Variants in C4orf54 observed in about 807,000 individuals in gnomAD.
C4orf54 encodes uncharacterized protein C4orf54.
C4orf54 carries 67 observed loss-of-function variants against 80.1 expected under a neutral mutation model. The ratio of observed to expected loss-of-function variants is 0.84; its 90% CI spans 0.69 to 1.03. The LOEUF is 1.03. C4orf54 is among the 50% of genes least tolerant of loss of function. The pLI is 0.00. For missense variants in C4orf54, 2,434 were observed against 2,253.5 expected, an observed-to-expected ratio of 1.08 and a Z score of -1.62; for synonymous variants, 1,000 against 917.0, an observed-to-expected ratio of 1.09 and a Z score of -1.64.
rs1451458395 is a variant in C4orf54 at position 99,650,679 on chromosome 4, T to C, written c.3970A>G (p.Thr1324Ala). 3.9e-6 allele frequency: 6 copies of C among 1,535,958 alleles called. No homozygotes were observed. The highest frequency in any genetic ancestry group is 5.2e-6 in the Non-Finnish European group (6 of 1,146,916). ...KRLGEVEERG[T>A]GNKAGVVLRG... ...AGGACCACACCAGCTTTGTTTCCTG[T>C]GCCCCGCTCTTCCACCTCACCCAGC... The change falls in exon 2 of 3, where the codon ACA (threonine) becomes GCA (alanine). Residue 1324 changes from threonine to alanine, a missense_variant. Thr to Ala is a moderately conservative substitution (Grantham distance 58). Transcript: ENST00000511828.
At position 99,653,521 on chromosome 4, in the gene C4orf54, A is replaced by T. The variant is rs1173752854; in HGVS notation, c.1128T>A (p.Ser376Arg). The T allele has an allele frequency of 6.5e-7, 1 of 1,535,116 alleles. No individual in the cohort carries two copies. ...HYITTHEIQL[S>R]EVEQDMDFDV... ...CGAAATCCATGTCCTGTTCCACCTC[A>T]CTCAGCTGGATCTCATGGGTGGTGA... The change falls in exon 2 of 3, where the codon AGT becomes AGA. Residue 376 changes from serine (S) to arginine (R), a missense_variant. Transcript: ENST00000511828.
Position 99,650,391 on chromosome 4 carries a change from A to G in C4orf54, c.4258T>C (p.Ser1420Pro), listed in dbSNP as rs1726787466. The G allele has an allele frequency of 1.3e-6, 2 of 1,535,930 alleles. No individual in the cohort carries two copies. Among genetic ancestry groups the G allele is most frequent in the Non-Finnish European group, 1.7e-6 (2 of 1,146,862 alleles). ...GVAGKFPQGPSPESPSAAKGI... is the reference protein window; with the variant it reads ...GVAGKFPQGPPPESPSAAKGI... ...TTAGCTGCTGAAGGACTCTCCGGAGAAGGCCCTTGTGGGAACTTGCCAGCG... is the reference window on the plus strand; with the variant it reads ...TTAGCTGCTGAAGGACTCTCCGGAGGAGGCCCTTGTGGGAACTTGCCAGCG... Residue 1420 changes from serine (S) to proline (P), a missense_variant, in exon 2 of 3, where the codon TCT becomes CCT. Transcript: ENST00000511828.
chr4:99,644,142 C>G (rs1201747935), intron 2 of C4orf54, among the ~76,000 whole-genome samples: 5 of 152,064 alleles, frequency 3.3e-5, no homozygotes, highest in Non-Finnish European at 7.4e-5. Flanking sequence ...CACGGAGCTC[C>G]AAGTGCCTGG....
chr4:99,653,305 T>C lies in C4orf54; in HGVS notation c.1344A>G (p.Thr448=), dbSNP rs1726895680. 6.5e-7 allele frequency: 1 copy of C among 1,532,200 alleles called. No homozygotes were observed. Among genetic ancestry groups the C allele is most frequent in the Admixed American group, 2.0e-5 (1 of 50,864 alleles). 94.9% of individuals were successfully genotyped at this position (1,532,200 alleles called of 1,614,324 possible). ...STNTTRTPSP[T]SSDLARPNAG... is the part of the protein sequence containing the mutation. The stretch of plus-strand genomic sequence containing the variant: ...CATTGGGGCGGGCCAGGTCGCTGCT[T>C]GTAGGGCTGGGCGTCCGGGTGGTGT... The change falls in exon 2 of 3, where the codon ACA becomes ACG. Residue 448 remains threonine (T), a synonymous_variant. Transcript: ENST00000511828.
Position 99,651,756 on chromosome 4 carries a change from T to C in C4orf54, c.2893A>G (p.Lys965Glu). ...CGCCAGTCGCCTCCTTTGGGCAGCT[T>C]CAGCTTCCCTATAGGGGCTTGTTCC... The part of the protein sequence containing the change: ...REEQAPIGKL[K>E]LPKGGDWRAD... The change falls in exon 2 of 3, where the codon AAG (lysine) becomes GAG (glutamate). Residue 965 changes from lysine (K) to glutamate (E), a missense_variant. Transcript: ENST00000511828. The C allele has an allele frequency of 6.5e-7, 1 of 1,536,104 alleles. No homozygotes were observed. Among genetic ancestry groups the C allele is most frequent in the Non-Finnish European group, 8.7e-7 (1 of 1,146,880 alleles).
At chr4:99,648,554 A>AGTGTGTGT (rs60651888) in intron 2 of C4orf54, among the ~76,000 whole-genome samples, 14 of 145,834 alleles carry the variant, frequency 9.6e-5, no homozygotes, top group Admixed American at 2.7e-4. Flanking sequence ...TAGAGAACAA[A>AGTGTGTGT]GTGTGTGTGT....
chr4:99,651,945 T>C lies in C4orf54; in HGVS notation c.2704A>G (p.Thr902Ala), dbSNP rs1363920811. Residue 902 changes from threonine (T) to alanine (A), a missense_variant, in exon 2 of 3, where the codon ACT (threonine) becomes GCT (alanine). Transcript: ENST00000511828. ...GSKSPVFKASTPRERNAGPGR... is the reference protein window; with the variant it reads ...GSKSPVFKASAPRERNAGPGR... ...GGGCCTGCGTTGCGCTCGCGAGGAG[T>C]ACTGGCTTTGAAGACTGGAGATTTG... is the stretch of plus-strand genomic sequence containing the variant. The C allele has an allele frequency of 6.5e-7, 1 of 1,535,792 alleles. No individual in the cohort carries two copies. The highest frequency in any genetic ancestry group is 1.2e-5 in the South Asian group (1 of 84,052).
intron 1 of C4orf54, among the ~76,000 whole-genome samples, chr4:99,655,551 T>G (rs1287060740): frequency 6.6e-6 from 1 of 152,048 alleles, no homozygotes; most frequent in African/African-American, 2.4e-5. Context: ...TGGAGGGAGA[T>G]TCAGAGAGGA....
chr4:99,650,612 T>C lies in C4orf54; in HGVS notation c.4037A>G (p.Asn1346Ser). ...GGCAGACACACTCTCAGCGCTGGGG[T>C]TGGAGTTTCTCCGCTGCAGACGTTC... ...PIERLQRRNS[N>S]PSAESVSARA... The change falls in exon 2 of 3, where the codon AAC becomes AGC. Residue 1346 changes from asparagine to serine, a missense_variant. Physicochemically the swap from Asn to Ser is conservative, Grantham distance 46. Transcript: ENST00000511828. The C allele has an allele frequency of 2.0e-6, 3 of 1,535,762 alleles. No individual in the cohort carries two copies. Among genetic ancestry groups the C allele is most frequent in the Non-Finnish European group, 2.6e-6 (3 of 1,146,820 alleles).
Position 99,652,286 on chromosome 4 carries a change from G to C in C4orf54, c.2363C>G (p.Ser788Cys), listed in dbSNP as rs1009046406. Residue 788 changes from serine to cysteine, a missense_variant, in exon 2 of 3, where the codon TCC (serine) becomes TGC (cysteine). Transcript: ENST00000511828. ...GGGCTTGCTGCCCTCGGAGGTCTCGGAGCCGTCGTCCGTGTATGCCGACCC... is the reference window on the plus strand; with the variant it reads ...GGGCTTGCTGCCCTCGGAGGTCTCGCAGCCGTCGTCCGTGTATGCCGACCC... The part of the protein sequence containing the change: ...GPGSAYTDDG[S>C]ETSEGSKPTS... The C allele has an allele frequency of 7.6e-5, 117 of 1,535,848 alleles. No individual in the cohort carries two copies. Among genetic ancestry groups the C allele is most frequent in the Middle Eastern group, 1.7e-4 (1 of 6,012 alleles).
chr4:99,643,775 CA>C (rs1726645899), intron 2 of C4orf54, among the ~76,000 whole-genome samples: 4 of 142,622 alleles, frequency 2.8e-5, no homozygotes, highest in South Asian at 4.6e-4. Context: ...CACACACACA[CA>C]CACACACACA....
At chr4:99,644,992 G>A (rs1726676043) in intron 2 of C4orf54, among the ~76,000 whole-genome samples, 1 of 151,854 alleles carries the variant, frequency 6.6e-6, no homozygotes, top group East Asian at 1.9e-4. Flanking sequence ...GGGAGAAAAG[G>A]AAAAGGAGAA....
rs551606752 is a variant in C4orf54 at position 99,638,455 on chromosome 4, C to A, written c.*2778G>T. 1.3e-5 allele frequency: 2 copies of A among 152,016 alleles called. No individual in the cohort carries two copies. The highest frequency in any genetic ancestry group is 2.9e-5 in the Non-Finnish European group (2 of 67,978). 9.4% of individuals were successfully genotyped at this position (152,016 alleles called of 1,614,324 possible). A position where few individuals can be genotyped will look rare whatever the true frequency, so the allele number is the denominator to read the frequency against. On this transcript the variant is annotated 3_prime_UTR_variant, in exon 3 of 3. Coordinates refer to ENST00000511828, the MANE Select transcript of C4orf54 (RefSeq NM_001354435.2). ...CTGGAAAACTAAGCCACACATATAA[C>A]CCTAAGAGGATATTATAAAAGCCAG...
rs1207828789 is a variant in C4orf54 at position 99,650,496 on chromosome 4, G to T, written c.4153C>A (p.Leu1385Met). ...VHKDVERTQPLQPLPPLPSNR... is the reference protein window; with the variant it reads ...VHKDVERTQPMQPLPPLPSNR... Reference sequence around the variant, plus strand: ...CTGGGGAGTGGTGGGAGGGGCTGCAGGGGTTGGGTTCTCTCTACATCCTTG... The same window carrying T: ...CTGGGGAGTGGTGGGAGGGGCTGCATGGGTTGGGTTCTCTCTACATCCTTG... Residue 1385 changes from leucine (L) to methionine (M), a missense_variant, in exon 2 of 3, where the codon CTG becomes ATG. Physicochemically the swap from Leu to Met is conservative, Grantham distance 15. Coordinates refer to ENST00000511828, the MANE Select transcript of C4orf54 (RefSeq NM_001354435.2). 6.5e-6 allele frequency: 10 copies of T among 1,536,032 alleles called. No homozygotes were observed. Among genetic ancestry groups the T allele is most frequent in the African/African-American group, 2.7e-5 (2 of 73,032 alleles).
Position 99,652,142 on chromosome 4 carries a change from T to C in C4orf54, c.2507A>G (p.Asp836Gly). 6.5e-7 allele frequency: 1 copy of C among 1,536,082 alleles called. No homozygotes were observed. The highest frequency in any genetic ancestry group is 2.4e-5 in the East Asian group (1 of 40,888). The part of the protein sequence containing the change: ...EFKMERGEVM[D>G]TSHHLSGTSK... ...GGTGCCTGAGAGGTGGTGGGATGTATCCATGACTTCTCCCCTCTCCATTTT... is the reference window on the plus strand; with the variant it reads ...GGTGCCTGAGAGGTGGTGGGATGTACCCATGACTTCTCCCCTCTCCATTTT... The change falls in exon 2 of 3, where the codon GAT becomes GGT. Residue 836 changes from aspartate to glycine, a missense_variant. Coordinates refer to ENST00000511828, the MANE Select transcript of C4orf54 (RefSeq NM_001354435.2).
In C4orf54 at chr4:99,640,176, A is replaced by C. The variant is rs1237127138; in HGVS notation, c.*1057T>G. ...AGACAGTACTAAATGTCAATAAAAG[A>C]TTCTGTGATTTGGATTCTTGACATC... On this transcript the variant is annotated 3_prime_UTR_variant, in exon 3 of 3. Coordinates refer to ENST00000511828, the MANE Select transcript of C4orf54 (RefSeq NM_001354435.2). 6.6e-6 allele frequency: 1 copy of C among 152,168 alleles called. No individual in the cohort carries two copies. Among genetic ancestry groups the C allele is most frequent in the African/African-American group, 2.4e-5 (1 of 41,452 alleles). The allele number at this position is 152,168 out of a possible 1,614,324, so 9.4% of individuals were successfully genotyped here.
Position 99,651,772 on chromosome 4 carries a change from G to C in C4orf54, c.2877C>G (p.Ala959=). The change falls in exon 2 of 3, where the codon GCC becomes GCG. Residue 959 remains alanine, a synonymous_variant. Coordinates refer to ENST00000511828, the MANE Select transcript of C4orf54 (RefSeq NM_001354435.2). ...EKEAEKREEQ[A]PIGKLKLPKG... is the part of the protein sequence containing the mutation. The stretch of plus-strand genomic sequence containing the variant: ...TGGGCAGCTTCAGCTTCCCTATAGG[G>C]GCTTGTTCCTCCCTCTTCTCGGCCT... The C allele has an allele frequency of 2.6e-6, 4 of 1,536,022 alleles. No individual in the cohort carries two copies. Among genetic ancestry groups the C allele is most frequent in the Non-Finnish European group, 3.5e-6 (4 of 1,146,882 alleles).
chr4:99,642,697 A>G (rs1238307823), intron 2 of C4orf54, among the ~76,000 whole-genome samples: 1 of 152,242 alleles, frequency 6.6e-6, no homozygotes, highest in Admixed American at 6.5e-5. Flanking sequence ...AGTAGAATGG[A>G]TCACGAAGAA....
Position 99,654,321 on chromosome 4 carries a change from G to T in C4orf54, c.328C>A (p.Leu110Ile). Residue 110 changes from leucine (L) to isoleucine (I), a missense_variant, in exon 2 of 3, where the codon CTT (leucine) becomes ATT (isoleucine). Transcript: ENST00000511828. ...CGGAGGGGCTGCAGAGTTGCCCGAA[G>T]CAGGGTCCCACGTATCTGGACTGGC... ...LGPVQIRGTL[L>I]RATLQPLRGQ... 6.8e-7 allele frequency: 1 copy of T among 1,479,484 alleles called. No individual in the cohort carries two copies. Among genetic ancestry groups the T allele is most frequent in the Non-Finnish European group, 9.1e-7 (1 of 1,095,366 alleles). The allele number at this position is 1,479,484 out of a possible 1,614,324, so 91.6% of individuals were successfully genotyped here. A position where few individuals can be genotyped will look rare whatever the true frequency, so the allele number is the denominator to read the frequency against.
Sources: gnomAD v4.1 joint callset for allele counts (sites outside exome capture counted in the v4.1 genomes callset) on GRCh38, gnomAD v4.1.1 for gene constraint, MANE v1.5 for transcripts, NCBI Gene and HGNC (gene_info 2026-07-23, HGNC 2026-07-21) for gene names.